The following SNX27 variants were observed in gnomAD, a reference collection of about 807,000 sequenced individuals.
SNX27 encodes the protein sorting nexin-27.
In SNX27, 22 loss-of-function variants were observed where a neutral mutation model predicts 71.6. That is an observed-to-expected ratio of 0.31 (90% CI 0.22 to 0.44). The LOEUF is 0.44. SNX27 is among the 20% of genes least tolerant of loss of function. SNX27 has a pLI of 1.00. For missense variants in SNX27, 531 were observed against 698.6 expected (o/e 0.76, Z 2.70); for synonymous variants, 269 against 277.2 (o/e 0.97, Z 0.29).
chr1:151,637,210 G>A lies in SNX27; in HGVS notation c.312-1678G>A, dbSNP rs147123373. The stretch of plus-strand genomic sequence containing the variant: ...GACAGAGTCTTGCTCTGTCCGCCAG[G>A]CTGGAGTGCGGAGTGCAGAGTGCAG... On this transcript the variant is annotated intron_variant, in intron 1 of 11. Transcript: ENST00000458013. 1.3e-4 allele frequency among the ~76,000 whole-genome samples: 18 copies of A among 136,716 alleles called. No homozygotes were observed. The East Asian group carries it at 3.8e-3, about 29-fold the overall frequency. The allele number at this position is 136,716 out of a possible 152,430, so 89.7% of individuals were successfully genotyped here.
chr1:151,679,431 C>T (rs1248389026), intron 7 of SNX27: 1 of 152,140 alleles, frequency 6.6e-6, no homozygotes, highest in Non-Finnish European at 1.5e-5. Flanking sequence ...GCAAAGTGTA[C>T]ACACATTTAA....
At chr1:151,637,003 T>C (rs973950341) in intron 1 of SNX27, among the ~76,000 whole-genome samples, 1 of 152,148 alleles carries the variant, frequency 6.6e-6, no homozygotes, top group Non-Finnish European at 1.5e-5. Context: ...CATTTACACA[T>C]GTGGAAAGCA....
At chr1:151,657,066 C>T (rs1336618981) in intron 2 of SNX27, among the ~76,000 whole-genome samples, 1 of 152,146 alleles carries the variant, frequency 6.6e-6, no homozygotes, top group Admixed American at 6.5e-5. Context: ...ATAGAGGAGG[C>T]GGAGACTATA....
At chr1:151,651,028 G>A (rs960987728) in intron 2 of SNX27, among the ~76,000 whole-genome samples, 3 of 152,020 alleles carry the variant, frequency 2.0e-5, no homozygotes, top group East Asian at 3.9e-4. Flanking sequence ...GCAACCATCC[G>A]ATTTCTCAAT....
rs370327658 is a variant in SNX27 at position 151,685,680 on chromosome 1, TCAA to T, written c.1239+2254_1239+2256del. Among the ~76,000 whole-genome samples the T allele has an allele frequency of 2.0e-3, 305 of 152,118 alleles. 2 individuals carry two copies. Among genetic ancestry groups the T allele is most frequent in the African/African-American group, 6.8e-3 (281 of 41,476 alleles). The stretch of plus-strand genomic sequence containing the variant: ...CTGGAAAACACAGTGAGACTCCGTC[TCAA>T]CAACAACAACAACAACAAAAAATGC... On this transcript the variant is annotated intron_variant, in intron 8 of 11. Transcript: ENST00000458013.
chr1:151,616,982 G>A (rs1667450624), intron 1 of SNX27, among the ~76,000 whole-genome samples: 1 of 152,096 alleles, frequency 6.6e-6, no homozygotes, highest in African/African-American at 2.4e-5. Context: ...GTAGGTTGTA[G>A]GCCTTGGATT....
chr1:151,645,371 T>C (rs754943117), intron 2 of SNX27, among the ~76,000 whole-genome samples: 16 of 152,218 alleles, frequency 1.1e-4, no homozygotes, highest in Non-Finnish European at 2.2e-4. Flanking sequence ...GTATATTGAG[T>C]CATTTTGGAT....
intron 1 of SNX27, among the ~76,000 whole-genome samples, chr1:151,621,539 G>A (rs1449039426): frequency 6.6e-6 from 1 of 152,196 alleles, no homozygotes; most frequent in Non-Finnish European, 1.5e-5. Context: ...TGATACACAA[G>A]GAATTAGCTT....
chr1:151,623,455 G>A (rs780350875), intron 1 of SNX27, among the ~76,000 whole-genome samples: 18 of 151,742 alleles, frequency 1.2e-4, no homozygotes, highest in Non-Finnish European at 2.2e-4. Flanking sequence ...TAATAGAGAC[G>A]GGGTTTCACC....
intron 6 of SNX27, among the ~76,000 whole-genome samples, chr1:151,667,788 C>T (rs1301100465): frequency 7.8e-5 from 11 of 140,864 alleles, no homozygotes; most frequent in Non-Finnish European, 1.7e-4. Context: ...GATCCCGCCA[C>T]TGCACTCCAG....
intron 2 of SNX27, among the ~76,000 whole-genome samples, chr1:151,643,505 G>A (rs1668878625): frequency 6.6e-6 from 1 of 151,296 alleles, no homozygotes; most frequent in South Asian, 2.1e-4. Context: ...ATGTTGGCCA[G>A]GCTGGTCTTG....
At chr1:151,661,954 A>AT (rs904598924) in intron 4 of SNX27, among the ~76,000 whole-genome samples, 2 of 152,182 alleles carry the variant, frequency 1.3e-5, no homozygotes, top group African/African-American at 2.4e-5. Flanking sequence ...TGGCTTCAAC[A>AT]TGTTTCTTTC....
At chr1:151,687,749 C>T (rs1398714139) in intron 8 of SNX27, among the ~76,000 whole-genome samples, 1 of 152,064 alleles carries the variant, frequency 6.6e-6, no homozygotes, top group Non-Finnish European at 1.5e-5. Flanking sequence ...GAGATCGAAA[C>T]CATCCTGGCT....
At position 151,658,422 on chromosome 1, in the gene SNX27, A is replaced by T. The variant is rs745573692; in HGVS notation, c.731A>T (p.Glu244Val). The T allele has an allele frequency of 1.9e-6, 3 of 1,613,328 alleles. No individual in the cohort carries two copies. The highest frequency in any genetic ancestry group is 2.5e-6 in the Non-Finnish European group (3 of 1,179,562). ...ARRRGLEEYL[E>V]KVCSIRVIGE... Reference sequence around the variant, plus strand: ...CGTCGGGGATTGGAAGAATATCTAGAAAAAGGTAATCCAAACCATCAAACT... The same window carrying T: ...CGTCGGGGATTGGAAGAATATCTAGTAAAAGGTAATCCAAACCATCAAACT... Residue 244 changes from glutamate to valine, a missense_variant, in exon 3 of 12, where the codon GAA (glutamate) becomes GTA (valine). Around this residue, in one of 5 missense-constraint regions of SNX27, gnomAD observed 184 missense variants for 289.6 expected, o/e 0.64. Transcript: ENST00000458013.
intron 2 of SNX27, among the ~76,000 whole-genome samples, chr1:151,648,918 T>C (rs900328003): frequency 2.6e-5 from 4 of 152,070 alleles, no homozygotes; most frequent in African/African-American, 9.7e-5. Context: ...TTTTTCAGGG[T>C]ATAGAATTCT....
chr1:151,641,271 C>T (rs1450864982), intron 2 of SNX27, among the ~76,000 whole-genome samples: 1 of 152,076 alleles, frequency 6.6e-6, no homozygotes, highest in East Asian at 1.9e-4. Context: ...TTATAAAAAA[C>T]TGCCAAACAG....
At chr1:151,655,531 A>G (rs1485879802) in intron 2 of SNX27, among the ~76,000 whole-genome samples, 1 of 152,104 alleles carries the variant, frequency 6.6e-6, no homozygotes, top group Non-Finnish European at 1.5e-5. Context: ...TGTTTATTCA[A>G]CTCAGTGAAG....
At chr1:151,659,714 G>A (rs1223934447) in intron 3 of SNX27, 1 of 152,222 alleles carries the variant, frequency 6.6e-6, no homozygotes, top group Non-Finnish European at 1.5e-5. Context: ...GGAGTCTGTG[G>A]ATGTGGATGG....
chr1:151,683,255 T>G (rs933335154), intron 7 of SNX27, 101 bp from the exon 8 acceptor site: 1 of 859,738 alleles, frequency 1.2e-6, no homozygotes, highest in Non-Finnish European at 1.8e-6. Context: ...TCCAAGTGGA[T>G]AAGAGATTTT....
Sources: gnomAD v4.1 joint callset for allele counts (sites outside exome capture counted in the v4.1 genomes callset) on GRCh38, gnomAD v4.1.1 for gene constraint, gnomAD v4.1.1 regional missense constraint, MANE v1.5 for transcripts, NCBI Gene and HGNC (gene_info 2026-07-23, HGNC 2026-07-21) for gene names.